Variants in FOXK1 observed in about 807,000 individuals in gnomAD.
FOXK1 encodes forkhead box K1, also known as forkhead box protein K1.
Under a neutral mutation model 51.9 loss-of-function variants are expected in FOXK1, and 19 were observed. The ratio of observed to expected loss-of-function variants is 0.37; its 90% CI spans 0.26 to 0.54. The LOEUF is 0.54. Ranked by LOEUF, FOXK1 falls within the 20% of genes least tolerant of loss-of-function variation. The pLI, the probability that FOXK1 is intolerant of heterozygous loss-of-function variation, is 0.87. For missense variants in FOXK1, 870 were observed against 1,032.7 expected (o/e 0.84, Z 2.16); for synonymous variants, 537 against 482.6 (o/e 1.11, Z -1.48).
At chr7:4,691,350 A>T (rs1282500383) in intron 1 of FOXK1, among the ~76,000 whole-genome samples, 1 of 152,158 alleles carries the variant, frequency 6.6e-6, no homozygotes, top group African/African-American at 2.4e-5. Flanking sequence ...TGATCAATAG[A>T]CATACAGAGA....
chr7:4,747,234 G>C lies in FOXK1; in HGVS notation c.746+6211G>C, dbSNP rs1780715160. ...GGAGTAGGCCTGTTGCATGGCTTCT[G>C]TGCGGGCATGTTACGCACGAGGACA... On this transcript the variant is annotated intron_variant, in intron 2 of 8. Transcript: ENST00000328914. This position sits in a 1 kb window ranked among gnomAD's most constrained non-coding sequence, Gnocchi z 9.2. Among the ~76,000 whole-genome samples the C allele has an allele frequency of 6.6e-6, 1 of 152,168 alleles. No homozygotes were observed. The highest frequency in any genetic ancestry group is 1.5e-5 in the Non-Finnish European group (1 of 68,032).
chr7:4,725,054 C>T (rs536877225), intron 1 of FOXK1, among the ~76,000 whole-genome samples: 24 of 152,376 alleles, frequency 1.6e-4, no homozygotes, highest in African/African-American at 5.0e-4. Context: ...GGAGCTCCCC[C>T]GAGGCCATCC....
chr7:4,719,166 C>T (rs1461226803), intron 1 of FOXK1, among the ~76,000 whole-genome samples: 2 of 150,990 alleles, frequency 1.3e-5, no homozygotes, highest in African/African-American at 4.9e-5. Context: ...GACAGGGTCT[C>T]ACTCTGTTGC....
At chr7:4,695,662 C>T (rs1379653586) in intron 1 of FOXK1, among the ~76,000 whole-genome samples, 9 of 152,148 alleles carry the variant, frequency 5.9e-5, no homozygotes, top group African/African-American at 4.8e-5. Context: ...ATTAGCCAGG[C>T]GTGGTGGCTC....
rs1780039523 is a variant in FOXK1, at chr7:4,703,024, C to T, written c.560+20156C>T. Reference sequence around the variant, plus strand: ...CTGTGTCTCCACCTAAAAGGCCGTCCTCAGCTCCCCCTGCCAGGTCCGGTT... The same window carrying T: ...CTGTGTCTCCACCTAAAAGGCCGTCTTCAGCTCCCCCTGCCAGGTCCGGTT... On this transcript the variant is annotated intron_variant, in intron 1 of 8. Coordinates refer to ENST00000328914, the MANE Select transcript of FOXK1 (RefSeq NM_001037165.2). This position sits in a 1 kb window ranked among gnomAD's most constrained non-coding sequence, Gnocchi z 5.6. 6.6e-6 allele frequency among the ~76,000 whole-genome samples: 1 copy of T among 152,298 alleles called. No homozygotes were observed. Among genetic ancestry groups the T allele is most frequent in the South Asian group, 2.1e-4 (1 of 4,828 alleles).
At position 4,756,921 on chromosome 7, in the gene FOXK1, C is replaced by G. The variant is rs182872203; in HGVS notation, c.1051-73C>G. 54 of 1,525,052 alleles carry G rather than the reference C, an allele frequency of 3.5e-5. 1 individual carries two copies. In the African/African-American group the frequency reaches 6.3e-4, roughly 18 times the overall value. 94.5% of individuals were successfully genotyped at this position (1,525,052 alleles called of 1,614,324 possible). A position where few individuals can be genotyped will look rare whatever the true frequency, so the allele number is the denominator to read the frequency against. On this transcript the variant is annotated intron_variant, in intron 4 of 8. Transcript: ENST00000328914. The surrounding 1 kb of genome is among the most constrained non-coding windows in gnomAD (Gnocchi z 4.1). ...TCCCCTCACCCTGGTCCCGCATCTGCTGCAGATTTGAGGTGGGTGGGACTC... is the reference window on the plus strand; with the variant it reads ...TCCCCTCACCCTGGTCCCGCATCTGGTGCAGATTTGAGGTGGGTGGGACTC...
Position 4,764,100 on chromosome 7 carries a change from TGAA to T in FOXK1, c.*1644_*1646del, listed in dbSNP as rs569558891. 6.6e-6 allele frequency: 1 copy of T among 152,616 alleles called. No individual in the cohort carries two copies. Among genetic ancestry groups the T allele is most frequent in the African/African-American group, 2.4e-5 (1 of 41,572 alleles). 9.5% of individuals were successfully genotyped at this position (152,616 alleles called of 1,614,324 possible). A position where few individuals can be genotyped will look rare whatever the true frequency, so the allele number is the denominator to read the frequency against. On this transcript the variant is annotated 3_prime_UTR_variant, in exon 9 of 9. Coordinates refer to ENST00000328914, the MANE Select transcript of FOXK1 (RefSeq NM_001037165.2). ...GGAGGTGGCTGGACAGGTGTCTCCC[TGAA>T]GAAGAAGGGAGAACACTTTTCAAAG...
rs117653963 is a variant in FOXK1 at position 4,730,723 on chromosome 7, C to T, written c.561-10115C>T. Among the ~76,000 whole-genome samples the T allele has an allele frequency of 0.038, 5,833 of 152,270 alleles. 191 individuals are homozygous for T. Among genetic ancestry groups the T allele is most frequent in the Middle Eastern group, 0.092 (27 of 294 alleles). ...ACGTGGTCTCTGCAATAGAGAGGCG[C>T]CTATGGCTGCAGCCACCTGTGTTCG... On this transcript the variant is annotated intron_variant, in intron 1 of 8. Coordinates refer to ENST00000328914, the MANE Select transcript of FOXK1 (RefSeq NM_001037165.2). The surrounding 1 kb of genome is among the most constrained non-coding windows in gnomAD (Gnocchi z 4.7).
chr7:4,696,326 T>C (rs1479073568), intron 1 of FOXK1, among the ~76,000 whole-genome samples: 1 of 152,232 alleles, frequency 6.6e-6, no homozygotes, highest in East Asian at 1.9e-4. Context: ...CTAGCTTGGA[T>C]TTACTGTGTG....
intron 2 of FOXK1, among the ~76,000 whole-genome samples, chr7:4,754,180 C>G (rs1393836440): frequency 6.6e-6 from 1 of 152,194 alleles, no homozygotes; most frequent in Non-Finnish European, 1.5e-5. Flanking sequence ...GCTGCCTGAC[C>G]AGGTGCTGCC....
intron 2 of FOXK1, among the ~76,000 whole-genome samples, chr7:4,744,359 G>A (rs1780674125): frequency 6.6e-6 from 1 of 152,136 alleles, no homozygotes; most frequent in Admixed American, 6.6e-5. Context: ...GTTACCTAAA[G>A]GGTGAACCGC....
At position 4,759,216 on chromosome 7, in the gene FOXK1, C is replaced by T. The variant is rs143714848; in HGVS notation, c.1410C>T (p.Pro470=). 277 of 1,547,520 alleles carry T rather than the reference C, an allele frequency of 1.8e-4. 1 individual carries two copies. In the East Asian group the frequency reaches 6.5e-3, roughly 36 times the overall value. ...AGTACCGGTATTCCCAAAGCGCACCCGGTAAGGAGCGGGCGGCCCTCTTGC... is the reference window on the plus strand; with the variant it reads ...AGTACCGGTATTCCCAAAGCGCACCTGGTAAGGAGCGGGCGGCCCTCTTGC... ...VPEYRYSQSA[P]GSPVSAQPVI... The change falls in exon 6 of 9, where the codon CCC becomes CCT. Residue 470 remains proline, a splice_region_variant and synonymous_variant. Transcript: ENST00000328914.
intron 1 of FOXK1, among the ~76,000 whole-genome samples, chr7:4,717,751 C>T (rs1226148565): frequency 2.6e-5 from 4 of 152,146 alleles, no homozygotes; most frequent in Admixed American, 6.5e-5. Flanking sequence ...GCGCTTGAAC[C>T]CTGCCTCTAA....
rs1048866284 is a variant in FOXK1 at position 4,733,165 on chromosome 7, T to A, written c.561-7673T>A. Among the ~76,000 whole-genome samples the A allele has an allele frequency of 2.0e-4, 31 of 152,150 alleles. No homozygotes were observed. Among genetic ancestry groups the A allele is most frequent in the African/African-American group, 7.2e-4 (30 of 41,434 alleles). On this transcript the variant is annotated intron_variant, in intron 1 of 8. Transcript: ENST00000328914. The surrounding 1 kb of genome is among the most constrained non-coding windows in gnomAD (Gnocchi z 5.0). The stretch of plus-strand genomic sequence containing the variant: ...ATAACGAGGGCCAAGTTTGTTTCTT[T>A]TATACGTGACGGTCTTTTTTTTTTT...
At chr7:4,754,942 CTT>C in intron 3 of FOXK1, 1 of 563,804 alleles carries the variant, frequency 1.8e-6, no homozygotes, top group Non-Finnish European at 3.2e-6. Flanking sequence ...CTCCTTATAA[CTT>C]TGTCTTAGTT....
rs1445793027 is a variant in FOXK1, at chr7:4,682,618, C to T, written c.310C>T (p.Pro104Ser). 2.6e-6 allele frequency: 4 copies of T among 1,514,666 alleles called. No individual in the cohort carries two copies. The African/African-American group carries it at 4.3e-5, about 16-fold the overall frequency. The allele number at this position is 1,514,666 out of a possible 1,614,324, so 93.8% of individuals were successfully genotyped here. Residue 104 changes from proline to serine, a missense_variant, in exon 1 of 9, where the codon CCG becomes TCG. Around this residue, in one of 3 missense-constraint regions of FOXK1, gnomAD observed 399 missense variants for 475.6 expected, o/e 0.84. Coordinates refer to ENST00000328914, the MANE Select transcript of FOXK1 (RefSeq NM_001037165.2). This position sits in a 1 kb window ranked among gnomAD's most constrained non-coding sequence, Gnocchi z 7.6. ...AAASVRQSPG[P>S]ALARLEGREF... ...CGCCTCGGTACGGCAGAGCCCGGGG[C>T]CGGCGCTGGCGCGGCTGGAGGGCCG...
chr7:4,714,118 G>T (rs988142996), intron 1 of FOXK1, among the ~76,000 whole-genome samples: 19 of 152,098 alleles, frequency 1.2e-4, no homozygotes, highest in Admixed American at 7.2e-4. Flanking sequence ...CAGCCACTGT[G>T]CCCAGCCTCT....
rs1001240407 is a variant in FOXK1, at chr7:4,709,456, C to G, written c.560+26588C>G. ...TAGGCTGCTTATCTGGACTCGATGT[C>G]TCCGAGCAGATCGAGGCTGGCCCAC... On this transcript the variant is annotated intron_variant, in intron 1 of 8. Transcript: ENST00000328914. This position sits in a 1 kb window ranked among gnomAD's most constrained non-coding sequence, Gnocchi z 5.6. Among the ~76,000 whole-genome samples, 1 of 152,176 alleles carries G rather than the reference C, an allele frequency of 6.6e-6. No homozygotes were observed. The highest frequency in any genetic ancestry group is 2.1e-4 in the South Asian group (1 of 4,828).
At chr7:4,698,220 A>G (rs1272456417) in intron 1 of FOXK1, among the ~76,000 whole-genome samples, 1 of 152,000 alleles carries the variant, frequency 6.6e-6, no homozygotes, top group Non-Finnish European at 1.5e-5. Flanking sequence ...TCCTCTGCCC[A>G]GATTTGTTCA....
Sources: gnomAD v4.1 joint callset for allele counts (sites outside exome capture counted in the v4.1 genomes callset) on GRCh38, gnomAD v4.1.1 for gene constraint, gnomAD v4.1.1 regional missense constraint, Gnocchi (gnomAD v3.1) non-coding constraint, MANE v1.5 for transcripts, NCBI Gene and HGNC (gene_info 2026-07-23, HGNC 2026-07-21) for gene names.